Variants in RAB3GAP1 observed in about 807,000 individuals in gnomAD.
RAB3GAP1 encodes RAB3 GTPase activating protein catalytic subunit 1.
In RAB3GAP1, 86 loss-of-function variants were observed where a neutral mutation model predicts 130.7. The ratio of observed to expected loss-of-function variants is 0.66; its 90% CI spans 0.55 to 0.79. RAB3GAP1 has a LOEUF of 0.79. Ranked by LOEUF, RAB3GAP1 falls within the 30% of genes least tolerant of loss-of-function variation. The pLI, the probability that RAB3GAP1 is intolerant of heterozygous loss-of-function variation, is 0.00. For missense variants in RAB3GAP1, 1,029 were observed against 1,169.4 expected, an observed-to-expected ratio of 0.88 and a Z score of 1.75; for synonymous variants, 367 against 401.7, an observed-to-expected ratio of 0.91 and a Z score of 1.03.
intron 3 of RAB3GAP1, among the ~76,000 whole-genome samples, chr2:135,086,373 A>AC (rs969541320): frequency 6.6e-6 from 1 of 152,174 alleles, no homozygotes; most frequent in African/African-American, 2.4e-5. Context: ...TCTCTGTGAC[A>AC]CTTGGCATTG....
At chr2:135,126,542 T>C (rs1250902231) in intron 10 of RAB3GAP1, 41 bp from the exon 11 acceptor site, 8 of 1,508,728 alleles carry the variant, frequency 5.3e-6, no homozygotes, top group Non-Finnish European at 7.4e-6. Context: ...TCTTGCAGAT[T>C]GTCATAATTA....
chr2:135,148,668 C>CA, intron 17 of RAB3GAP1, among the ~76,000 whole-genome samples: 1 of 113,116 alleles, frequency 8.8e-6, no homozygotes, highest in African/African-American at 3.4e-5. Flanking sequence ...ATTTTTGTAT[C>CA]TTTTTTTTTT....
chr2:135,094,551 C>T (rs1558772651), intron 5 of RAB3GAP1, among the ~76,000 whole-genome samples: 6 of 152,124 alleles, frequency 3.9e-5, no homozygotes, highest in African/African-American at 1.4e-4. Context: ...TCCCCATTAC[C>T]CTTCTAAGCC....
At chr2:135,112,566 C>G (rs1416584967) in intron 5 of RAB3GAP1, among the ~76,000 whole-genome samples, 3 of 152,120 alleles carry the variant, frequency 2.0e-5, no homozygotes, top group Admixed American at 6.6e-5. Context: ...AGACACCTCT[C>G]CCACCACACA....
intron 8 of RAB3GAP1, among the ~76,000 whole-genome samples, chr2:135,122,401 T>G (rs1016913555): frequency 6.6e-6 from 1 of 152,192 alleles, no homozygotes; most frequent in Non-Finnish European, 1.5e-5. Flanking sequence ...TACTCTCTTA[T>G]AAAGCAGTTT....
At chr2:135,065,044 C>T (rs1689279577) in intron 3 of RAB3GAP1, among the ~76,000 whole-genome samples, 2 of 151,884 alleles carry the variant, frequency 1.3e-5, no homozygotes, top group African/African-American at 2.4e-5. Context: ...CCTAGAATCT[C>T]CTCTGCACAT....
rs530834490 is a variant in RAB3GAP1 at position 135,169,652 on chromosome 2, T to C, written c.*871T>C. 2.3e-6 allele frequency: 1 copy of C among 439,732 alleles called. No homozygotes were observed. The highest frequency in any genetic ancestry group is 1.6e-5 in the South Asian group (1 of 62,114). The allele number at this position is 439,732 out of a possible 1,614,324, so 27.2% of individuals were successfully genotyped here. ...CAGTCTTGGTACCTAGAGACTGTCA[T>C]GCAGATAGTATAATTTGGTATATGT... is the stretch of plus-strand genomic sequence containing the variant. On this transcript the variant is annotated 3_prime_UTR_variant, in exon 24 of 24. Coordinates refer to ENST00000264158, the MANE Select transcript of RAB3GAP1 (RefSeq NM_012233.3).
At chr2:135,081,361 T>TATATATATATATATATATACAC (rs1216831944) in intron 3 of RAB3GAP1, among the ~76,000 whole-genome samples, 2 of 71,270 alleles carry the variant, frequency 2.8e-5, no homozygotes, top group Non-Finnish European at 4.5e-5. Context: ...TATATATATA[T>TATATATATATATATATATACAC]ACACACACGT....
At position 135,135,855 on chromosome 2, in the gene RAB3GAP1, C is replaced by T. The variant is rs1178194540; in HGVS notation, c.1846C>T (p.Pro616Ser). ...GGPKEMANLR[P>S]EGRLYQHGKL... is the part of the protein sequence containing the mutation. Reference sequence around the variant, plus strand: ...ACCTAAGGAGATGGCAAATTTAAGGCCGGAAGGACGGCTCTATCAGCATGG... The same window carrying T: ...ACCTAAGGAGATGGCAAATTTAAGGTCGGAAGGACGGCTCTATCAGCATGG... The change falls in exon 17 of 24, where the codon CCG becomes TCG. Residue 616 changes from proline to serine, a missense_variant. Physicochemically the swap from Pro to Ser is moderately conservative, Grantham distance 74. Coordinates refer to ENST00000264158, the MANE Select transcript of RAB3GAP1 (RefSeq NM_012233.3). 2 of 1,614,044 alleles carry T rather than the reference C, an allele frequency of 1.2e-6. No homozygotes were observed. Among genetic ancestry groups the T allele is most frequent in the East Asian group, 4.5e-5 (2 of 44,870 alleles).
At chr2:135,173,512 G>C (rs1045374246), downstream of RAB3GAP1, among the ~76,000 whole-genome samples, 3 of 152,208 alleles carry the variant, frequency 2.0e-5, no homozygotes, top group African/African-American at 7.2e-5. Context: ...GGCGACTGTT[G>C]TGTCTGTCTA....
intron 3 of RAB3GAP1, among the ~76,000 whole-genome samples, chr2:135,087,339 A>G (rs1012454582): frequency 6.6e-6 from 1 of 152,192 alleles, no homozygotes; most frequent in Admixed American, 6.5e-5. Flanking sequence ...TAGTATACTT[A>G]TTCATCAAAA....
chr2:135,093,735 G>T (rs760385801), intron 5 of RAB3GAP1, 42 bp downstream of exon 5: 1 of 1,444,376 alleles, frequency 6.9e-7, no homozygotes, highest in Non-Finnish European at 9.8e-7. Context: ...TATGTGTGTT[G>T]CGGGGGACCT....
chr2:135,076,010 A>G (rs1281501495), intron 3 of RAB3GAP1, among the ~76,000 whole-genome samples: 3 of 150,366 alleles, frequency 2.0e-5, no homozygotes, highest in Non-Finnish European at 2.9e-5. Flanking sequence ...TCCTGCGTTG[A>G]AGTGATTCTC....
At chr2:135,172,215 A>C (rs569478676), downstream of RAB3GAP1, among the ~76,000 whole-genome samples, 3 of 152,052 alleles carry the variant, frequency 2.0e-5, no homozygotes, top group Admixed American at 6.5e-5. Flanking sequence ...GGATCACATG[A>C]GGTCAGGAGT....
intron 17 of RAB3GAP1, among the ~76,000 whole-genome samples, chr2:135,145,399 TACACACACACACACAC>T (rs10603690): frequency 2.8e-4 from 41 of 147,112 alleles, no homozygotes; most frequent in African/African-American, 9.7e-4. Flanking sequence ...CACACACACA[TACACACACACACACAC>T]ACACACACTT....
Position 135,135,308 on chromosome 2 carries a change from C to T in RAB3GAP1, c.1543C>T (p.Gln515Ter). Residue 515 changes from glutamine (Q) to a stop codon, truncating the protein, a stop_gained, in exon 16 of 24, where the codon CAG (glutamine) becomes TAG (stop). Transcript: ENST00000264158. LOFTEE classifies it high-confidence loss of function. ...PPDLRCCLLH[Q>*]KLQMLNCCIE... ...AGATCTGAGGTGTTGTTTACTGCAT[C>T]AGAAACTACAGGTAAAGATTTCTCA... The T allele has an allele frequency of 6.2e-7, 1 of 1,605,698 alleles. No homozygotes were observed. The highest frequency in any genetic ancestry group is 8.5e-7 in the Non-Finnish European group (1 of 1,172,520).
At chr2:135,071,532 T>TAAAAAAAAAAAA (rs60734828) in intron 3 of RAB3GAP1, among the ~76,000 whole-genome samples, 1 of 141,378 alleles carries the variant, frequency 7.1e-6, no homozygotes. Flanking sequence ...AGTCGTAGGT[T>TAAAAAAAAAAAA]AAAAAAAAAA....
At chr2:135,081,957 A>G (rs868648337) in intron 3 of RAB3GAP1, among the ~76,000 whole-genome samples, 6 of 152,146 alleles carry the variant, frequency 3.9e-5, no homozygotes, top group Admixed American at 2.0e-4. Flanking sequence ...CCTGGCCAAC[A>G]TGGTAAAGCC....
In RAB3GAP1 at chr2:135,059,333, G is replaced by A. The variant is rs117488676; in HGVS notation, c.150+1247G>A. ...ACACTACTAAGAAGAGAGCTAAACC[G>A]GGTACTTATGAGCTCTGATATTCTT... On this transcript the variant is annotated intron_variant, in intron 3 of 23. Transcript: ENST00000264158. Among the ~76,000 whole-genome samples, 50 of 152,094 alleles carry A rather than the reference G, an allele frequency of 3.3e-4. 1 individual carries two copies. The East Asian group carries it at 8.9e-3, about 27-fold the overall frequency.
Sources: gnomAD v4.1 joint callset for allele counts (sites outside exome capture counted in the v4.1 genomes callset) on GRCh38, gnomAD v4.1.1 for gene constraint, MANE v1.5 for transcripts, NCBI Gene and HGNC (gene_info 2026-07-23, HGNC 2026-07-21) for gene names.